The following CFAP20DC variants were observed in gnomAD, a reference collection of about 807,000 sequenced individuals.
CFAP20DC encodes protein CFAP20DC.
A neutral mutation model predicts 101.7 loss-of-function variants in CFAP20DC; 84 were observed. That is an observed-to-expected ratio of 0.83 (90% CI 0.69 to 0.99). The LOEUF (loss-of-function observed/expected upper bound fraction) is 0.99, where lower values mean the gene tolerates loss of function less well. CFAP20DC is among the 50% of genes least tolerant of loss of function. CFAP20DC has a pLI of 0.00. For missense variants in CFAP20DC, 1,007 were observed against 970.3 expected (o/e 1.04, Z -0.50); for synonymous variants, 359 against 351.2 (o/e 1.02, Z -0.25).
At chr3:58,746,169 A>G (rs773970842) in intron 16 of CFAP20DC, among the ~76,000 whole-genome samples, 52 of 152,210 alleles carry the variant, frequency 3.4e-4, no homozygotes, top group Non-Finnish European at 5.9e-4. Flanking sequence ...GGATAAATTC[A>G]TCTTTAAATA....
At chr3:58,831,004 G>C (rs2076357621) in intron 14 of CFAP20DC, among the ~76,000 whole-genome samples, 1 of 152,162 alleles carries the variant, frequency 6.6e-6, no homozygotes. Flanking sequence ...TTAAAAACTG[G>C]GCTCTGCTCT....
intron 4 of CFAP20DC, chr3:59,019,173 T>C (rs1167786474): frequency 6.6e-6 from 1 of 152,076 alleles, no homozygotes; most frequent in Non-Finnish European, 1.5e-5. Flanking sequence ...GCCACTTAAG[T>C]TTTGTAAGAG....
At chr3:58,978,826 G>A (rs1258744104) in intron 4 of CFAP20DC, among the ~76,000 whole-genome samples, 1 of 152,024 alleles carries the variant, frequency 6.6e-6, no homozygotes, top group Non-Finnish European at 1.5e-5. Context: ...AGTTCAAGGA[G>A]CACATGAGAA....
chr3:58,947,464 T>A (rs2107960139), intron 4 of CFAP20DC, among the ~76,000 whole-genome samples: 1 of 152,324 alleles, frequency 6.6e-6, no homozygotes, highest in African/African-American at 2.4e-5. Flanking sequence ...AAATAAGCTC[T>A]CTTTGGGCTG....
At chr3:58,944,375 T>C (rs988111162) in intron 4 of CFAP20DC, among the ~76,000 whole-genome samples, 30 of 152,228 alleles carry the variant, frequency 2.0e-4, no homozygotes, top group African/African-American at 6.5e-4. Context: ...TCATTTTCTA[T>C]TTTACAGATG....
intron 15 of CFAP20DC, among the ~76,000 whole-genome samples, chr3:58,797,823 C>T (rs868238823): frequency 6.6e-5 from 10 of 152,202 alleles, no homozygotes; most frequent in Middle Eastern, 6.8e-3. Context: ...TCCAGAAATC[C>T]TAGGGTTCTT....
At chr3:58,846,347 A>G (rs1291086305) in intron 13 of CFAP20DC, among the ~76,000 whole-genome samples, 2 of 151,054 alleles carry the variant, frequency 1.3e-5, no homozygotes, top group Non-Finnish European at 3.0e-5. Flanking sequence ...TACAAAAATC[A>G]CAAGCATTCT....
chr3:58,991,343 T>C (rs549421003), intron 4 of CFAP20DC, among the ~76,000 whole-genome samples: 1 of 152,314 alleles, frequency 6.6e-6, no homozygotes, highest in Non-Finnish European at 1.5e-5. Context: ...AAATTAATGA[T>C]GTCTTCTAAA....
In CFAP20DC at chr3:58,997,122, C is replaced by T. The variant is rs542027829; in HGVS notation, c.278+42435G>A. 5.9e-5 allele frequency among the ~76,000 whole-genome samples: 9 copies of T among 152,314 alleles called. 1 individual carries two copies. The South Asian group carries it at 6.2e-4, about 11-fold the overall frequency. The stretch of plus-strand genomic sequence containing the variant: ...TTCATGTCCCTGGGACAGACAAGGA[C>T]GCTGTCTTTAGCTGAACTAAGGAAA... On this transcript the variant is annotated intron_variant, in intron 4 of 16. Coordinates refer to ENST00000482387, the MANE Select transcript of CFAP20DC (RefSeq NM_001394063.1).
chr3:58,828,281 A>T (rs1267326136), intron 14 of CFAP20DC, among the ~76,000 whole-genome samples: 1 of 152,216 alleles, frequency 6.6e-6, no homozygotes, highest in African/African-American at 2.4e-5. Flanking sequence ...AACTTCATTT[A>T]TTAAGTACTT....
At chr3:59,020,418 CTT>C (rs770628456) in intron 4 of CFAP20DC, among the ~76,000 whole-genome samples, 2 of 152,042 alleles carry the variant, frequency 1.3e-5, no homozygotes, top group Non-Finnish European at 2.9e-5. Flanking sequence ...TCACTTGACT[CTT>C]GTTTACTCAA....
chr3:58,914,503 G>A lies in CFAP20DC; in HGVS notation c.394-639C>T, dbSNP rs1193316236. Among the ~76,000 whole-genome samples the A allele has an allele frequency of 2.0e-5, 3 of 151,056 alleles. No individual in the cohort carries two copies. Among genetic ancestry groups the A allele is most frequent in the South Asian group, 2.1e-4 (1 of 4,788 alleles). On this transcript the variant is annotated intron_variant, in intron 5 of 16. Transcript: ENST00000482387. The surrounding 1 kb of genome is among the most constrained non-coding windows in gnomAD (Gnocchi z 4.9). ...AATTTTCTGAATGGTTAAAGAAAATGAAAAAAAATCATTTGGCAAGAAACA... is the reference window on the plus strand; with the variant it reads ...AATTTTCTGAATGGTTAAAGAAAATAAAAAAAAATCATTTGGCAAGAAACA...
chr3:58,746,729 G>A (rs778840816), intron 16 of CFAP20DC, among the ~76,000 whole-genome samples: 1 of 152,080 alleles, frequency 6.6e-6, no homozygotes, highest in Non-Finnish European at 1.5e-5. Context: ...AGCTTCAAAT[G>A]GATGAATTTT....
chr3:58,780,834 G>A (rs1035471927), intron 15 of CFAP20DC, among the ~76,000 whole-genome samples: 2 of 151,830 alleles, frequency 1.3e-5, no homozygotes, highest in Non-Finnish European at 2.9e-5. Flanking sequence ...TATAATAATA[G>A]CTGGGAATTT....
chr3:58,771,746 A>G (rs1443249926), intron 15 of CFAP20DC, among the ~76,000 whole-genome samples: 1 of 152,112 alleles, frequency 6.6e-6, no homozygotes, highest in East Asian at 1.9e-4. Context: ...TTACTAAAAC[A>G]ATCCCTGTCT....
At chr3:58,844,373 TA>T (rs2108235169) in intron 13 of CFAP20DC, among the ~76,000 whole-genome samples, 1 of 137,402 alleles carries the variant, frequency 7.3e-6, no homozygotes, top group Non-Finnish European at 1.5e-5. Context: ...TAGTCTCTGA[TA>T]AAACAGACTT....
chr3:58,880,937 G>A (rs1446695728), intron 7 of CFAP20DC, among the ~76,000 whole-genome samples: 1 of 152,144 alleles, frequency 6.6e-6, no homozygotes, highest in Non-Finnish European at 1.5e-5. Context: ...GAAAAAGTCT[G>A]AGTTTAGAAA....
chr3:58,953,886 T>G (rs1371948744), intron 4 of CFAP20DC: 1 of 152,132 alleles, frequency 6.6e-6, no homozygotes, highest in African/African-American at 2.4e-5. Flanking sequence ...GATTCATTTT[T>G]AAAAAACACC....
intron 15 of CFAP20DC, among the ~76,000 whole-genome samples, chr3:58,804,385 CAG>C (rs1273985079): frequency 6.9e-6 from 1 of 144,578 alleles, no homozygotes; most frequent in Non-Finnish European, 1.5e-5. Flanking sequence ...TTTTTTGAGA[CAG>C]AGTCTCACTC....
Sources: allele counts gnomAD v4.1 joint callset (sites outside exome capture counted in the v4.1 genomes callset), GRCh38; gene constraint gnomAD v4.1.1; non-coding constraint Gnocchi (gnomAD v3.1); transcripts MANE v1.5; gene names NCBI Gene and HGNC (gene_info 2026-07-23, HGNC 2026-07-21).